Variants in SDK2 observed in about 807,000 individuals in gnomAD.
SDK2 encodes the protein protein sidekick-2.
Under a neutral mutation model 253.9 loss-of-function variants are expected in SDK2, and 105 were observed. The ratio of observed to expected loss-of-function variants is 0.41; its 90% CI spans 0.35 to 0.49. The LOEUF (loss-of-function observed/expected upper bound fraction) is 0.49. Among genes scored for constraint, SDK2 ranks in the 20% least tolerant of loss-of-function variants. SDK2 has a pLI of 0.06. For missense variants in SDK2, 2,608 were observed against 3,003.0 expected (o/e 0.87, Z 3.07); for synonymous variants, 1,249 against 1,234.9 (o/e 1.01, Z -0.24).
chr17:73,395,093 T>A lies in SDK2; in HGVS notation c.3592+62A>T. The A allele has an allele frequency of 7.4e-7, 1 of 1,355,418 alleles. No homozygotes were observed. Among genetic ancestry groups the A allele is most frequent in the Non-Finnish European group, 1.0e-6 (1 of 984,034 alleles). 84.0% of individuals were successfully genotyped at this position (1,355,418 alleles called of 1,614,324 possible). Reference sequence around the variant, plus strand: ...AGCCTGGCACGCGCTTGGATGACCCTGAGGGCATAGAGACCAAGGAGGGGA... The same window carrying A: ...AGCCTGGCACGCGCTTGGATGACCCAGAGGGCATAGAGACCAAGGAGGGGA... On this transcript the variant is annotated intron_variant, in intron 25 of 44. Transcript: ENST00000392650. The surrounding 1 kb of genome is among the most constrained non-coding windows in gnomAD (Gnocchi z 4.3).
chr17:73,355,403 G>A (rs187274230), intron 40 of SDK2, among the ~76,000 whole-genome samples: 3 of 151,070 alleles, frequency 2.0e-5, no homozygotes, highest in African/African-American at 7.3e-5. Context: ...CTGGAGTGCC[G>A]TGACACGATC....
intron 1 of SDK2, among the ~76,000 whole-genome samples, chr17:73,516,245 G>A (rs1478866787): frequency 6.6e-6 from 1 of 152,242 alleles, no homozygotes; most frequent in Non-Finnish European, 1.5e-5. Context: ...AAACGCCTGC[G>A]TGGATTGGTC....
intron 4 of SDK2, among the ~76,000 whole-genome samples, chr17:73,451,611 G>A (rs941815198): frequency 1.3e-5 from 2 of 152,156 alleles, no homozygotes; most frequent in African/African-American, 4.8e-5. Flanking sequence ...GTGCCTGGAG[G>A]GAAGCACCCT....
rs886082947 is a variant in SDK2, at chr17:73,534,035, G to A, written c.65-26438C>T. ...TGCAGCCAAGACGCCATTCTGCTCC[G>A]CCTGCTCCCTGCTCCTCCTCCTCCT... On this transcript the variant is annotated intron_variant, in intron 1 of 44. Transcript: ENST00000392650. This position sits in a 1 kb window ranked among gnomAD's most constrained non-coding sequence, Gnocchi z 4.9. Among the ~76,000 whole-genome samples, 4 of 152,078 alleles carry A rather than the reference G, an allele frequency of 2.6e-5. No homozygotes were observed. Among genetic ancestry groups the A allele is most frequent in the East Asian group, 3.9e-4 (2 of 5,170 alleles).
intron 38 of SDK2, among the ~76,000 whole-genome samples, chr17:73,363,835 C>T (rs1248322272): frequency 6.6e-6 from 1 of 152,078 alleles, no homozygotes; most frequent in Non-Finnish European, 1.5e-5. Context: ...TCGGGGACTG[C>T]TGTCCTCTGC....
In SDK2 at chr17:73,368,521, C is replaced by T. The variant is rs748167512; in HGVS notation, c.5053G>A (p.Val1685Met). 33 of 1,610,416 alleles carry T rather than the reference C, an allele frequency of 2.0e-5. No homozygotes were observed. The highest frequency in any genetic ancestry group is 1.8e-4 in the South Asian group (16 of 89,910). ...VKTLFLAENS[V>M]KLKNLTGYTA... ...TAGCCAGTCAAGTTCTTGAGCTTCACGCTGTTCTCAGCCAGGAAAAGCGTC... is the reference window on the plus strand; with the variant it reads ...TAGCCAGTCAAGTTCTTGAGCTTCATGCTGTTCTCAGCCAGGAAAAGCGTC... Residue 1685 changes from valine to methionine, a missense_variant, in exon 37 of 45, where the codon GTG becomes ATG. Physicochemically the swap from Val to Met is conservative, Grantham distance 21. Around this residue, in one of 2 missense-constraint regions of SDK2, gnomAD observed 1,103 missense variants for 1,143.9 expected, o/e 0.96. Coordinates refer to ENST00000392650, the MANE Select transcript of SDK2 (RefSeq NM_001144952.2).
At chr17:73,568,864 C>T (rs1418148900) in intron 1 of SDK2, among the ~76,000 whole-genome samples, 1 of 152,170 alleles carries the variant, frequency 6.6e-6, no homozygotes, top group East Asian at 1.9e-4. Flanking sequence ...GCAGGGCCCA[C>T]CTCTCTGCAG....
intron 1 of SDK2, among the ~76,000 whole-genome samples, chr17:73,604,283 G>T (rs574048815): frequency 3.0e-4 from 45 of 152,328 alleles, no homozygotes; most frequent in Middle Eastern, 3.4e-3. Flanking sequence ...TGGAAAAGGC[G>T]ATTCAGAGAG....
intron 1 of SDK2, among the ~76,000 whole-genome samples, chr17:73,540,474 C>G (rs1264919467): frequency 6.6e-6 from 1 of 152,300 alleles, no homozygotes; most frequent in Non-Finnish European, 1.5e-5. Context: ...TCAGCAGGGT[C>G]TCTCATCACC....
chr17:73,553,742 A>C (rs1220856268), intron 1 of SDK2, among the ~76,000 whole-genome samples: 1 of 152,156 alleles, frequency 6.6e-6, no homozygotes, highest in Non-Finnish European at 1.5e-5. Context: ...CAGGGATGCC[A>C]GTCACCCCCT....
chr17:73,361,613 C>T lies in SDK2; in HGVS notation c.5467+71G>A. Reference sequence around the variant, plus strand: ...CCAGGGTCCAGCACAGCTCTTGACACCGGGGGCCCCTTCTGACTGGGGACG... The same window carrying T: ...CCAGGGTCCAGCACAGCTCTTGACATCGGGGGCCCCTTCTGACTGGGGACG... On this transcript the variant is annotated intron_variant, in intron 39 of 44. Coordinates refer to ENST00000392650, the MANE Select transcript of SDK2 (RefSeq NM_001144952.2). This position sits in a 1 kb window ranked among gnomAD's most constrained non-coding sequence, Gnocchi z 4.1. 3 of 1,518,458 alleles carry T rather than the reference C, an allele frequency of 2.0e-6. No individual in the cohort carries two copies. Among genetic ancestry groups the T allele is most frequent in the Non-Finnish European group, 2.7e-6 (3 of 1,107,688 alleles). 94.1% of individuals were successfully genotyped at this position (1,518,458 alleles called of 1,614,324 possible).
chr17:73,493,662 T>G (rs1364966549), intron 2 of SDK2, among the ~76,000 whole-genome samples: 1 of 152,224 alleles, frequency 6.6e-6, no homozygotes, highest in African/African-American at 2.4e-5. Flanking sequence ...TGTTTTGTAT[T>G]AAGTAAAAGC....
At position 73,465,437 on chromosome 17, in the gene SDK2, A is replaced by ATGTGGTGAAACGCTGGC. The variant is rs1260964268; in HGVS notation, c.331+6658_331+6674dup. On this transcript the variant is annotated intron_variant, in intron 3 of 44. Transcript: ENST00000392650. The surrounding 1 kb of genome is among the most constrained non-coding windows in gnomAD (Gnocchi z 4.2). The stretch of plus-strand genomic sequence containing the variant: ...ACACAGAGGTGCCCTCAGGACCTGG[A>ATGTGGTGAAACGCTGGC]TGTGGTGAAACGCTGGCTGTGGTGA... 2.6e-5 allele frequency among the ~76,000 whole-genome samples: 4 copies of ATGTGGTGAAACGCTGGC among 152,138 alleles called. No homozygotes were observed. Among genetic ancestry groups the ATGTGGTGAAACGCTGGC allele is most frequent in the East Asian group, 1.9e-4 (1 of 5,150 alleles).
At chr17:73,498,597 C>T (rs1274997945) in intron 2 of SDK2, among the ~76,000 whole-genome samples, 1 of 152,148 alleles carries the variant, frequency 6.6e-6, no homozygotes, top group East Asian at 1.9e-4. Flanking sequence ...TGGCACTTGT[C>T]TTAACTTTAT....
chr17:73,485,856 G>A (rs954652024), intron 2 of SDK2, among the ~76,000 whole-genome samples: 1 of 152,212 alleles, frequency 6.6e-6, no homozygotes, highest in Non-Finnish European at 1.5e-5. Flanking sequence ...AACATTCACT[G>A]TCTGTCCTGG....
chr17:73,620,854 T>A (rs555223509), intron 1 of SDK2, among the ~76,000 whole-genome samples: 9 of 152,160 alleles, frequency 5.9e-5, no homozygotes, highest in Non-Finnish European at 1.2e-4. Flanking sequence ...TGCCAGGGGC[T>A]GGAAAGGAGT....
intron 1 of SDK2, among the ~76,000 whole-genome samples, chr17:73,528,501 T>C (rs536528479): frequency 6.6e-6 from 1 of 152,318 alleles, no homozygotes; most frequent in Non-Finnish European, 1.5e-5. Context: ...CCAAGGTCAC[T>C]TGGGAGCGAG....
chr17:73,418,144 A>G (rs2063199698), intron 16 of SDK2, among the ~76,000 whole-genome samples: 1 of 151,194 alleles, frequency 6.6e-6, no homozygotes, highest in African/African-American at 2.4e-5. Flanking sequence ...AGTAGCTGGG[A>G]CTACGGGTGT....
intron 15 of SDK2, among the ~76,000 whole-genome samples, chr17:73,420,918 C>G (rs766930594): frequency 6.6e-6 from 1 of 151,988 alleles, no homozygotes; most frequent in South Asian, 2.1e-4. Context: ...TCAAGTGATC[C>G]GCCCCCCTCA....
Sources: allele counts gnomAD v4.1 joint callset (sites outside exome capture counted in the v4.1 genomes callset), GRCh38; gene constraint gnomAD v4.1.1; regional missense constraint gnomAD v4.1.1; non-coding constraint Gnocchi (gnomAD v3.1); transcripts MANE v1.5; gene names NCBI Gene and HGNC (gene_info 2026-07-23, HGNC 2026-07-21).